The following ATP8A1 variants were observed in gnomAD, a reference collection of about 807,000 sequenced individuals.
The protein encoded by ATP8A1 is phospholipid-transporting ATPase IA.
In ATP8A1, 90 loss-of-function variants were observed where a neutral mutation model predicts 177.7. The observed-to-expected ratio is 0.51, with a 90% CI of 0.43 to 0.60. The LOEUF (loss-of-function observed/expected upper bound fraction) is 0.60. Ranked by LOEUF, ATP8A1 falls within the 20% of genes least tolerant of loss-of-function variation. The pLI, the probability that ATP8A1 is intolerant of heterozygous loss-of-function variation, is 0.00. For synonymous variants in ATP8A1, 493 were observed against 485.9 expected (o/e 1.01, Z -0.19); for missense variants, 1,072 against 1,392.8 (o/e 0.77, Z 3.67).
chr4:42,655,874 A>T (rs1281892440), intron 1 of ATP8A1, among the ~76,000 whole-genome samples: 1 of 152,188 alleles, frequency 6.6e-6, no homozygotes, highest in Admixed American at 6.5e-5. Flanking sequence ...GGGGAGGAAG[A>T]GTGGGAATCA....
At chr4:42,633,673 C>T (rs534242591) in intron 1 of ATP8A1, among the ~76,000 whole-genome samples, 2 of 152,272 alleles carry the variant, frequency 1.3e-5, no homozygotes, top group South Asian at 2.1e-4. Context: ...CAGTATCTTA[C>T]CTCAAAGGGT....
At chr4:42,472,132 G>A in intron 25 of ATP8A1, 2 of 659,448 alleles carry the variant, frequency 3.0e-6, no homozygotes, top group Non-Finnish European at 5.8e-6. Context: ...GCTTGAAAAA[G>A]CCATACAAAA....
At chr4:42,640,842 C>G (rs1366752373) in intron 1 of ATP8A1, among the ~76,000 whole-genome samples, 3 of 152,046 alleles carry the variant, frequency 2.0e-5, no homozygotes, top group Non-Finnish European at 4.4e-5. Flanking sequence ...CCAGCCAGGC[C>G]AGTCAGATCC....
intron 1 of ATP8A1, among the ~76,000 whole-genome samples, chr4:42,630,051 C>T (rs772300741): frequency 2.7e-4 from 41 of 152,122 alleles, no homozygotes; most frequent in Non-Finnish European, 4.1e-4. Context: ...GAAAGTTATT[C>T]AATATGCACC....
intron 14 of ATP8A1, among the ~76,000 whole-genome samples, chr4:42,570,653 G>C (rs899268845): frequency 6.6e-6 from 1 of 152,210 alleles, no homozygotes; most frequent in African/African-American, 2.4e-5. Flanking sequence ...ATGAGCAGTA[G>C]GTGGCCTGCA....
intron 24 of ATP8A1, among the ~76,000 whole-genome samples, chr4:42,499,954 G>A (rs553016202): frequency 2.6e-5 from 4 of 152,320 alleles, no homozygotes; most frequent in Middle Eastern, 3.4e-3. Flanking sequence ...AGGTATAAGG[G>A]TTTATCATTA....
intron 1 of ATP8A1, among the ~76,000 whole-genome samples, chr4:42,655,036 C>T (rs1741482013): frequency 1.3e-5 from 2 of 152,226 alleles, no homozygotes; most frequent in African/African-American, 4.8e-5. Flanking sequence ...CTGGAATCAA[C>T]TAATCTCAGG....
At chr4:42,505,240 C>T (rs1205239876) in intron 23 of ATP8A1, among the ~76,000 whole-genome samples, 3 of 152,200 alleles carry the variant, frequency 2.0e-5, no homozygotes, top group Admixed American at 1.3e-4. Context: ...GTATATACCA[C>T]AATTATGCTG....
chr4:42,636,232 A>AGG (rs1162004931), intron 1 of ATP8A1, among the ~76,000 whole-genome samples: 1 of 149,550 alleles, frequency 6.7e-6, no homozygotes, highest in African/African-American at 2.5e-5. Context: ...GTTTGTATTT[A>AGG]CTTTGTTTTT....
chr4:42,417,284 T>C (rs1235885205), intron 35 of ATP8A1, among the ~76,000 whole-genome samples: 2 of 151,174 alleles, frequency 1.3e-5, no homozygotes, highest in African/African-American at 2.4e-5. Context: ...CTAACACTAA[T>C]AGATATATTA....
chr4:42,520,342 A>G (rs1160672313), intron 22 of ATP8A1, among the ~76,000 whole-genome samples: 1 of 151,854 alleles, frequency 6.6e-6, no homozygotes, highest in Non-Finnish European at 1.5e-5. Flanking sequence ...GAAAAACATC[A>G]TTTCCAAACT....
intron 25 of ATP8A1, among the ~76,000 whole-genome samples, chr4:42,481,101 C>A (rs1044046589): frequency 1.3e-5 from 2 of 152,186 alleles, no homozygotes; most frequent in African/African-American, 4.8e-5. Flanking sequence ...CTATTTAACA[C>A]ACAGTAATAC....
chr4:42,496,050 G>C (rs1225083451), intron 24 of ATP8A1, among the ~76,000 whole-genome samples: 1 of 152,180 alleles, frequency 6.6e-6, no homozygotes, highest in Non-Finnish European at 1.5e-5. Context: ...TTGTAGTGCT[G>C]GGTAAATTGC....
chr4:42,531,134 G>A (rs1727220931), intron 20 of ATP8A1, among the ~76,000 whole-genome samples: 1 of 152,180 alleles, frequency 6.6e-6, no homozygotes, highest in African/African-American at 2.4e-5. Flanking sequence ...CCATAACAGA[G>A]GTAGGGAAGA....
intron 30 of ATP8A1, among the ~76,000 whole-genome samples, chr4:42,447,233 GA>G (rs1228053254): frequency 6.6e-6 from 1 of 152,074 alleles, no homozygotes; most frequent in Non-Finnish European, 1.5e-5. Flanking sequence ...ATCCAGGTTG[GA>G]GTGCAGTGGC....
At chr4:42,485,766 T>G (rs893526887) in intron 24 of ATP8A1, 98 bp from the exon 25 acceptor site, 8 of 1,018,584 alleles carry the variant, frequency 7.9e-6, no homozygotes, top group Non-Finnish European at 1.1e-5. Flanking sequence ...TAGTTATTTT[T>G]AGTGCTTTTT....
In ATP8A1 at chr4:42,459,776, T is replaced by A. The variant is rs528485356; in HGVS notation, c.2620-4177A>T. 5.9e-5 allele frequency among the ~76,000 whole-genome samples: 9 copies of A among 152,198 alleles called. No individual in the cohort carries two copies. The South Asian group carries it at 1.7e-3, about 28-fold the overall frequency. ...TTGTTTATATTTCCACATATTAGGTTATTTTTTTAATTTTTATTTATTTAT... is the reference window on the plus strand; with the variant it reads ...TTGTTTATATTTCCACATATTAGGTAATTTTTTTAATTTTTATTTATTTAT... On this transcript the variant is annotated intron_variant, in intron 27 of 36. Transcript: ENST00000381668.
At chr4:42,643,780 T>C (rs968386533) in intron 1 of ATP8A1, among the ~76,000 whole-genome samples, 1 of 152,158 alleles carries the variant, frequency 6.6e-6, no homozygotes, top group Non-Finnish European at 1.5e-5. Context: ...ATTATCACTT[T>C]ATCAAAGAGA....
In ATP8A1 at chr4:42,414,706, C is replaced by T; in HGVS notation, c.3318G>A (p.Arg1106=). 1 of 1,613,762 alleles carries T rather than the reference C, an allele frequency of 6.2e-7. No homozygotes were observed. The highest frequency in any genetic ancestry group is 8.5e-7 in the Non-Finnish European group (1 of 1,179,794). Residue 1106 remains arginine, a synonymous_variant, in exon 36 of 37, where the codon AGG becomes AGA. Coordinates refer to ENST00000381668, the MANE Select transcript of ATP8A1 (RefSeq NM_006095.2). ...TAAAGACGTTCTTGAGCAGTTGCGCCCTCTCGGTCAGGCTGCAGAGCAGGT... is the reference window on the plus strand; with the variant it reads ...TAAAGACGTTCTTGAGCAGTTGCGCTCTCTCGGTCAGGCTGCAGAGCAGGT... ...AVVLGKSLTE[R]AQLLKNVFKK...
Sources: allele counts gnomAD v4.1 joint callset (sites outside exome capture counted in the v4.1 genomes callset), GRCh38; gene constraint gnomAD v4.1.1; transcripts MANE v1.5; gene names NCBI Gene and HGNC (gene_info 2026-07-23, HGNC 2026-07-21).